Variants in LARS2 observed in about 807,000 individuals in gnomAD.
LARS2 encodes the protein leucine--tRNA ligase, mitochondrial.
A neutral mutation model predicts 116.6 loss-of-function variants in LARS2; 81 were observed. That is an observed-to-expected ratio of 0.69 (90% CI 0.58 to 0.84). The LOEUF (loss-of-function observed/expected upper bound fraction) is 0.84. Ranked by LOEUF, LARS2 falls within the 40% of genes least tolerant of loss-of-function variation. The pLI is 0.00. For missense variants in LARS2, 968 were observed against 1,114.5 expected, an observed-to-expected ratio of 0.87 and a Z score of 1.87; for synonymous variants, 396 against 407.2, an observed-to-expected ratio of 0.97 and a Z score of 0.33.
intron 10 of LARS2, among the ~76,000 whole-genome samples, chr3:45,481,211 C>T (rs746245525): frequency 6.6e-6 from 1 of 152,146 alleles, no homozygotes; most frequent in Non-Finnish European, 1.5e-5. Flanking sequence ...CTTTTTATTT[C>T]CAAATAATCC....
intron 6 of LARS2, among the ~76,000 whole-genome samples, chr3:45,435,202 G>GT (rs965509210): frequency 2.4e-4 from 37 of 152,032 alleles, no homozygotes; most frequent in Non-Finnish European, 1.5e-4. Flanking sequence ...CTCTGACACT[G>GT]TTTTATCAAG....
chr3:45,544,146 C>T (rs564293503), intron 21 of LARS2, among the ~76,000 whole-genome samples: 35 of 152,306 alleles, frequency 2.3e-4, no homozygotes, highest in African/African-American at 7.5e-4. Context: ...AAGCGCAGTT[C>T]GATGTCATTC....
At chr3:45,390,920 G>A (rs991698070) in intron 1 of LARS2, among the ~76,000 whole-genome samples, 4 of 152,048 alleles carry the variant, frequency 2.6e-5, no homozygotes, top group South Asian at 2.1e-4. Flanking sequence ...GATTACAGGC[G>A]TGAGCCACCG....
chr3:45,444,171 A>AAT (rs1698970628), intron 6 of LARS2, among the ~76,000 whole-genome samples: 2 of 132,064 alleles, frequency 1.5e-5, no homozygotes, highest in Admixed American at 7.6e-5. Context: ...TTCCTGGCTA[A>AAT]TTTTTTTTTT....
chr3:45,484,630 A>AAAAAATAT lies in LARS2; in HGVS notation c.1019-1061_1019-1060insAAAATATA, dbSNP rs1553634443. Reference sequence around the variant, plus strand: ...AAAAAAAAAAAAAAAAAAAAAAAAAAATATATATATATATATATTTAAAAT... The same window carrying AAAAAATAT: ...AAAAAAAAAAAAAAAAAAAAAAAAAAAAAAATATATATATATATATATATATTTAAAAT... On this transcript the variant is annotated intron_variant, in intron 10 of 21. Transcript: ENST00000645846. 1.5e-3 allele frequency among the ~76,000 whole-genome samples: 15 copies of AAAAAATAT among 9,742 alleles called. 1 individual carries two copies. Among genetic ancestry groups the AAAAAATAT allele is most frequent in the African/African-American group, 2.7e-3 (15 of 5,630 alleles). The allele number at this position is 9,742 out of a possible 152,430, so 6.4% of individuals were successfully genotyped here. A position where few individuals can be genotyped will look rare whatever the true frequency, so the allele number is the denominator to read the frequency against.
At chr3:45,425,782 G>C (rs1698584061) in intron 6 of LARS2, among the ~76,000 whole-genome samples, 1 of 152,054 alleles carries the variant, frequency 6.6e-6, no homozygotes, top group Non-Finnish European at 1.5e-5. Context: ...TGTCTGTCTT[G>C]CTTGCTTGCT....
intron 10 of LARS2, among the ~76,000 whole-genome samples, chr3:45,481,402 A>G (rs1256325887): frequency 6.6e-6 from 1 of 152,210 alleles, no homozygotes; most frequent in African/African-American, 2.4e-5. Flanking sequence ...TTGCTGGGCC[A>G]TGAAGTTTAA....
At chr3:45,392,260 T>A (rs1182268863) in intron 2 of LARS2, among the ~76,000 whole-genome samples, 1 of 152,126 alleles carries the variant, frequency 6.6e-6, no homozygotes, top group South Asian at 2.1e-4. Flanking sequence ...CTGTGTACTT[T>A]AAAATAGCCA....
At chr3:45,538,263 G>C (rs1018350586) in intron 20 of LARS2, 2 of 152,192 alleles carry the variant, frequency 1.3e-5, no homozygotes, top group Non-Finnish European at 2.9e-5. Context: ...GGAAGGCTGG[G>C]CTTCCTCATT....
intron 15 of LARS2, among the ~76,000 whole-genome samples, chr3:45,507,841 C>CA (rs1700221914): frequency 6.6e-6 from 1 of 151,982 alleles, no homozygotes; most frequent in African/African-American, 2.4e-5. Flanking sequence ...AGATTTTTTA[C>CA]AATGATTGTG....
chr3:45,430,588 T>A (rs1365504145), intron 6 of LARS2, among the ~76,000 whole-genome samples: 1 of 114,148 alleles, frequency 8.8e-6, no homozygotes, highest in African/African-American at 3.3e-5. Context: ...CCAATCTTTT[T>A]TTTTTTTTTT....
chr3:45,394,021 T>C (rs1204057237), intron 2 of LARS2, among the ~76,000 whole-genome samples: 1 of 152,216 alleles, frequency 6.6e-6, no homozygotes, highest in African/African-American at 2.4e-5. Flanking sequence ...CCTTCTGATA[T>C]TTGAGCCTAA....
intron 20 of LARS2, among the ~76,000 whole-genome samples, chr3:45,534,034 C>T (rs1700662478): frequency 6.6e-6 from 1 of 152,164 alleles, no homozygotes; most frequent in Admixed American, 6.5e-5. Flanking sequence ...TGTAGGAAAG[C>T]GGGAGAGAGC....
intron 4 of LARS2, among the ~76,000 whole-genome samples, chr3:45,415,907 A>G (rs1157458185): frequency 2.1e-5 from 3 of 146,210 alleles, no homozygotes; most frequent in Non-Finnish European, 4.4e-5. Context: ...AGAGAGAGAG[A>G]GAGAGAGAGA....
At chr3:45,439,166 T>A (rs1698859271) in intron 6 of LARS2, among the ~76,000 whole-genome samples, 2 of 146,968 alleles carry the variant, frequency 1.4e-5, no homozygotes, top group Middle Eastern at 3.5e-3. Context: ...TTTTCAAGAA[T>A]CATTTCTCTT....
intron 8 of LARS2, among the ~76,000 whole-genome samples, chr3:45,473,755 C>G (rs1405426694): frequency 6.7e-6 from 1 of 148,976 alleles, no homozygotes; most frequent in African/African-American, 2.5e-5. Context: ...AATGTTTATA[C>G]AAATTAATGT....
At chr3:45,540,709 A>C (rs1249890744) in intron 20 of LARS2, among the ~76,000 whole-genome samples, 1 of 151,692 alleles carries the variant, frequency 6.6e-6, no homozygotes, top group Admixed American at 6.6e-5. Context: ...CATCTCTTAT[A>C]CTCATGAAAT....
At chr3:45,451,541 T>C (rs1352510949) in intron 7 of LARS2, among the ~76,000 whole-genome samples, 1 of 152,174 alleles carries the variant, frequency 6.6e-6, no homozygotes, top group Non-Finnish European at 1.5e-5. Flanking sequence ...CTGGGTTCTC[T>C]GTTTCATTTC....
intron 7 of LARS2, among the ~76,000 whole-genome samples, chr3:45,448,583 A>G (rs538982356): frequency 2.0e-5 from 3 of 151,988 alleles, no homozygotes; most frequent in Non-Finnish European, 2.9e-5. Context: ...ACAGAGATTT[A>G]CCCACATATT....
Sources: gnomAD v4.1 joint callset for allele counts (sites outside exome capture counted in the v4.1 genomes callset) on GRCh38, gnomAD v4.1.1 for gene constraint, MANE v1.5 for transcripts, NCBI Gene and HGNC (gene_info 2026-07-23, HGNC 2026-07-21) for gene names.